CARS2: variants seen among roughly 807,000 people sequenced by gnomAD.
The protein encoded by CARS2 is probable cysteine--tRNA ligase, mitochondrial.
CARS2 carries 52 observed loss-of-function variants against 68.8 expected under a neutral mutation model. The ratio of observed to expected loss-of-function variants is 0.76; its 90% CI spans 0.61 to 0.95. The LOEUF (loss-of-function observed/expected upper bound fraction) is 0.95, where lower values mean the gene tolerates loss of function less well. Ranked by LOEUF, CARS2 falls within the 40% of genes least tolerant of loss-of-function variation. The pLI, the probability that CARS2 is intolerant of heterozygous loss-of-function variation, is 0.00. For missense variants in CARS2, 780 were observed against 754.2 expected (o/e 1.03, Z -0.40); for synonymous variants, 314 against 303.6 (o/e 1.03, Z -0.36).
At chr13:110,649,334 G>C (rs1169283985) in intron 10 of CARS2, 1 of 152,308 alleles carries the variant, frequency 6.6e-6, no homozygotes, top group Non-Finnish European at 1.5e-5. Context: ...CGTGGCGTCA[G>C]AGCCAGGATA....
chr13:110,692,332 G>C (rs1457447738), intron 3 of CARS2, among the ~76,000 whole-genome samples: 1 of 151,694 alleles, frequency 6.6e-6, no homozygotes, highest in Non-Finnish European at 1.5e-5. Context: ...TTAGATGGGC[G>C]TGGTGGCACA....
intron 10 of CARS2, among the ~76,000 whole-genome samples, chr13:110,650,016 C>T (rs1472242202): frequency 6.7e-6 from 1 of 149,370 alleles, no homozygotes; most frequent in African/African-American, 2.5e-5. Flanking sequence ...CAGCTCACTG[C>T]ACCTCCGCCT....
intron 8 of CARS2, chr13:110,666,432 T>C (rs1594293060): frequency 1.0e-6 from 1 of 985,294 alleles, no homozygotes; most frequent in East Asian, 1.1e-4. Context: ...ACTGGGGCAC[T>C]GTGAGAGGCA....
intron 6 of CARS2, chr13:110,678,220 T>A (rs956201850): frequency 2.0e-5 from 3 of 152,198 alleles, no homozygotes; most frequent in Non-Finnish European, 4.4e-5. Flanking sequence ...GTAACTGAGT[T>A]TCAGGGTTGT....
rs371620375 is a variant in CARS2, at chr13:110,688,003, C to T, written c.409G>A (p.Ala137Thr). 2.1e-5 allele frequency: 34 copies of T among 1,609,902 alleles called. No homozygotes were observed. The East Asian group carries it at 4.2e-4, about 20-fold the overall frequency. Residue 137 changes from alanine (A) to threonine (T), a missense_variant, in exon 4 of 15, where the codon GCT becomes ACT. Transcript: ENST00000257347. ...KRANEMNISP[A>T]SLASLYEEDF... ...TCCTCATAAAGACTGGCGAGGGAAG[C>T]GGGGGAAATATTCATCTGCAGAAGG...
At chr13:110,688,072 CCA>C in intron 3 of CARS2, 54 bp from the exon 4 acceptor site, 1 of 1,245,468 alleles carries the variant, frequency 8.0e-7, no homozygotes, top group Non-Finnish European at 1.2e-6. Context: ...CGCAACAGAA[CCA>C]CCCAGCCACA....
At chr13:110,645,712 C>T in intron 12 of CARS2, 1 of 444,260 alleles carries the variant, frequency 2.3e-6, no homozygotes, top group East Asian at 3.9e-5. Flanking sequence ...GGATCAAGCA[C>T]ACAGAATTTC....
chr13:110,663,698 A>C, intron 8 of CARS2, 180 bp from the exon 9 acceptor site: 1 of 1,387,392 alleles, frequency 7.2e-7, no homozygotes, highest in Non-Finnish European at 9.3e-7. Flanking sequence ...GGAAGACAGG[A>C]CCTGCCCTTG....
At chr13:110,684,150 G>C (rs2063232143) in intron 5 of CARS2, among the ~76,000 whole-genome samples, 1 of 152,218 alleles carries the variant, frequency 6.6e-6, no homozygotes. Flanking sequence ...CATCCGGGCT[G>C]TGACCATGGC....
At chr13:110,711,063 A>T (rs1368785984), upstream of CARS2, among the ~76,000 whole-genome samples, 2 of 152,230 alleles carry the variant, frequency 1.3e-5, no homozygotes, top group Non-Finnish European at 2.9e-5. Context: ...TGCTAGGAAT[A>T]GAAGAACCGG....
chr13:110,687,502 T>C (rs1335095885), intron 5 of CARS2, among the ~76,000 whole-genome samples: 2 of 151,832 alleles, frequency 1.3e-5, no homozygotes, highest in African/African-American at 4.8e-5. Flanking sequence ...ACCTTATCTC[T>C]ACTAAAAATA....
At chr13:110,648,164 C>T (rs1021867491) in intron 10 of CARS2, among the ~76,000 whole-genome samples, 6 of 152,190 alleles carry the variant, frequency 3.9e-5, no homozygotes, top group Admixed American at 1.3e-4. Context: ...TAACATTTTT[C>T]CTTTTTTTCT....
chr13:110,644,366 TTAAAA>T lies in CARS2; in HGVS notation c.1416+14_1416+18del. 2 of 1,607,604 alleles carry T rather than the reference TTAAAA, an allele frequency of 1.2e-6. No homozygotes were observed. The highest frequency in any genetic ancestry group is 3.3e-4 in the Middle Eastern group (2 of 6,052). On this transcript the variant is annotated intron_variant, in intron 13 of 14. Coordinates refer to ENST00000257347, the MANE Select transcript of CARS2 (RefSeq NM_024537.4). Reference sequence around the variant, plus strand: ...TGGAGAAAATTCCAGAATTAAGCATTTAAAATAATAGGACCTACCTGTTGATTTGC... The same window carrying T: ...TGGAGAAAATTCCAGAATTAAGCATTTAATAGGACCTACCTGTTGATTTGC...
chr13:110,712,757 A>G (rs12875067), intron 1 of CARS2: 491,939 of 703,400 alleles, frequency 0.7, 176,074 homozygotes, highest in East Asian at 0.78. Context: ...GGTGTCCATG[A>G]CACAGGGCGG....
chr13:110,703,545 T>C (rs533421393), intron 2 of CARS2, among the ~76,000 whole-genome samples: 12 of 152,348 alleles, frequency 7.9e-5, no homozygotes, highest in South Asian at 6.2e-4. Context: ...GTAAATATTA[T>C]ACAAATTTAA....
chr13:110,696,753 T>A (rs1174169514), intron 3 of CARS2, among the ~76,000 whole-genome samples: 1 of 152,228 alleles, frequency 6.6e-6, no homozygotes, highest in African/African-American at 2.4e-5. Flanking sequence ...ATAACATTTT[T>A]AAAAAAGTTA....
chr13:110,641,906 T>C (rs1887370837), intron 14 of CARS2, among the ~76,000 whole-genome samples: 1 of 151,186 alleles, frequency 6.6e-6, no homozygotes, highest in Non-Finnish European at 1.5e-5. Context: ...TGGGTTTCTC[T>C]ACTCAGAAGC....
chr13:110,675,477 A>G (rs2062920214), intron 7 of CARS2, among the ~76,000 whole-genome samples: 1 of 152,204 alleles, frequency 6.6e-6, no homozygotes, highest in South Asian at 2.1e-4. Context: ...CAAACACTGC[A>G]TGTTCTCACT....
intron 10 of CARS2, chr13:110,650,255 G>C (rs2062170093): frequency 6.6e-6 from 1 of 152,162 alleles, no homozygotes; most frequent in South Asian, 2.1e-4. Context: ...ACATCGCCAT[G>C]CCTGGCTAAT....
Sources: gnomAD v4.1 joint callset for allele counts (sites outside exome capture counted in the v4.1 genomes callset) on GRCh38, gnomAD v4.1.1 for gene constraint, MANE v1.5 for transcripts, NCBI Gene and HGNC (gene_info 2026-07-23, HGNC 2026-07-21) for gene names.